SGCD: variants seen among roughly 807,000 people sequenced by gnomAD.
SGCD encodes the protein sarcoglycan delta.
SGCD carries 18 observed loss-of-function variants against 36.6 expected under a neutral mutation model. That is an observed-to-expected ratio of 0.49 (90% CI 0.34 to 0.73). The LOEUF (loss-of-function observed/expected upper bound fraction) is 0.73. SGCD is among the 30% of genes least tolerant of loss of function. The pLI is 0.01. For missense variants in SGCD, 387 were observed against 346.7 expected (o/e 1.12, Z -0.92); for synonymous variants, 133 against 130.6 (o/e 1.02, Z -0.12).
At chr5:155,782,030 T>TTG in the SGCD span, among the ~76,000 whole-genome samples, 1 of 149,706 alleles carries the variant, frequency 6.7e-6, no homozygotes, top group African/African-American at 2.4e-5. Flanking sequence ...TCTTTTCTTT[T>TTG]TTTTTTTTTT....
intron 1 of SGCD, among the ~76,000 whole-genome samples, chr5:155,969,433 T>TA (rs1040607826): frequency 1.3e-5 from 2 of 151,984 alleles, no homozygotes; most frequent in Non-Finnish European, 2.9e-5. Flanking sequence ...CTGCACACAT[T>TA]AAAAAATAAA....
Position 155,942,942 on chromosome 5 carries a change from T to C in SGCD, c.-282+72518T>C, listed in dbSNP as rs146765526. 3.7e-3 allele frequency among the ~76,000 whole-genome samples: 570 copies of C among 152,358 alleles called. 4 individuals carry two copies. Among genetic ancestry groups the C allele is most frequent in the African/African-American group, 0.013 (551 of 41,594 alleles). On this transcript the variant is annotated intron_variant, in intron 1 of 9. Coordinates refer to the SGCD transcript ENST00000517913. The stretch of plus-strand genomic sequence containing the variant: ...GAGTCATCATAGTCTATGTTCTTCA[T>C]GAACATTCCATAATGCCTCCTAGAC...
At chr5:156,430,040 CTT>C (rs550571320) in intron 3 of SGCD, among the ~76,000 whole-genome samples, 85 of 152,160 alleles carry the variant, frequency 5.6e-4, no homozygotes, top group Non-Finnish European at 1.1e-3. Context: ...TCCCAAGAGT[CTT>C]TGAGCTTTTT....
At chr5:156,742,163 A>C (rs1473591631) in intron 7 of SGCD, among the ~76,000 whole-genome samples, 1 of 152,154 alleles carries the variant, frequency 6.6e-6, no homozygotes, top group African/African-American at 2.4e-5. Context: ...GGCGTGAGCC[A>C]CCGTGCCCGG....
intron 1 of SGCD, among the ~76,000 whole-genome samples, chr5:155,918,572 A>G (rs1226591529): frequency 6.6e-6 from 1 of 152,242 alleles, no homozygotes; most frequent in East Asian, 1.9e-4. Flanking sequence ...CAAAAGACAT[A>G]AAAATAAATA....
At chr5:156,356,677 C>T (rs1305065346) in intron 3 of SGCD, among the ~76,000 whole-genome samples, 3 of 152,140 alleles carry the variant, frequency 2.0e-5, no homozygotes, top group East Asian at 1.9e-4. Flanking sequence ...TAGTGCCCCC[C>T]TACATTATAT....
At chr5:156,512,943 C>A (rs1757007863) in intron 4 of SGCD, among the ~76,000 whole-genome samples, 1 of 150,880 alleles carries the variant, frequency 6.6e-6, no homozygotes, top group African/African-American at 2.4e-5. Flanking sequence ...TTTTTTCCTG[C>A]AATGGGGCTA....
At chr5:156,602,670 A>G (rs1191138319) in intron 6 of SGCD, among the ~76,000 whole-genome samples, 3 of 152,132 alleles carry the variant, frequency 2.0e-5, no homozygotes, top group Non-Finnish European at 4.4e-5. Flanking sequence ...AGTTCTGTCA[A>G]ATGCTTCTTC....
chr5:156,141,866 C>T (rs80100692), intron 3 of SGCD, among the ~76,000 whole-genome samples: 3,911 of 152,230 alleles, frequency 0.026, 164 homozygotes, highest in African/African-American at 0.09. Flanking sequence ...AATCTTCAAA[C>T]TAGTATCAAA....
At chr5:156,549,096 A>C (rs992547116) in intron 4 of SGCD, among the ~76,000 whole-genome samples, 3 of 148,012 alleles carry the variant, frequency 2.0e-5, no homozygotes, top group Non-Finnish European at 4.4e-5. Context: ...CAGTCTAAAA[A>C]TGAAAAAAAA....
At chr5:155,934,328 A>G (rs1757155478) in intron 1 of SGCD, among the ~76,000 whole-genome samples, 1 of 152,236 alleles carries the variant, frequency 6.6e-6, no homozygotes, top group Admixed American at 6.5e-5. Context: ...CTTAGTTGGC[A>G]TCTTGCTCAC....
At chr5:156,716,081 A>C (rs561917465) in intron 7 of SGCD, among the ~76,000 whole-genome samples, 1 of 152,190 alleles carries the variant, frequency 6.6e-6, no homozygotes, top group African/African-American at 2.4e-5. Context: ...AAAAATTTGC[A>C]AGACAGCCTT....
At chr5:155,854,874 A>G in the SGCD span, among the ~76,000 whole-genome samples, 6 of 152,192 alleles carry the variant, frequency 3.9e-5, no homozygotes, top group Non-Finnish European at 8.8e-5. Context: ...TAGTGCTTAC[A>G]AGGGCCTCAA....
chr5:156,313,426 T>C (rs774941260), intron 3 of SGCD, among the ~76,000 whole-genome samples: 13 of 152,100 alleles, frequency 8.5e-5, no homozygotes, highest in Non-Finnish European at 1.3e-4. Context: ...TGATTTTGTG[T>C]GTGTGAGGTA....
upstream of SGCD, among the ~76,000 whole-genome samples, chr5:156,325,604 T>C (rs1316415485): frequency 6.6e-6 from 1 of 152,124 alleles, no homozygotes; most frequent in African/African-American, 2.4e-5. Context: ...CTTCCCAAAT[T>C]ATGCTGCAGT....
chr5:156,097,023 G>A (rs1404122859), intron 1 of SGCD, among the ~76,000 whole-genome samples: 4 of 151,490 alleles, frequency 2.6e-5, no homozygotes, highest in Admixed American at 2.0e-4. Context: ...TGAAAAATGT[G>A]CTACTTTCTT....
chr5:156,515,566 GC>G (rs921553062), intron 4 of SGCD, among the ~76,000 whole-genome samples: 17 of 152,134 alleles, frequency 1.1e-4, no homozygotes, highest in Non-Finnish European at 2.9e-5. Context: ...GGGAGTTCCC[GC>G]CCCCAGCCAA....
At chr5:156,746,956 TGAAATA>T (rs1756963188) in intron 7 of SGCD, among the ~76,000 whole-genome samples, 1 of 152,074 alleles carries the variant, frequency 6.6e-6, no homozygotes, top group African/African-American at 2.4e-5. Context: ...AGAAAATACT[TGAAATA>T]TATATGAAAA....
intron 1 of SGCD, among the ~76,000 whole-genome samples, chr5:156,061,922 T>A (rs1460566593): frequency 9.4e-6 from 1 of 105,902 alleles, no homozygotes; most frequent in African/African-American, 5.0e-5. Context: ...GTTTTCACTT[T>A]TTTTTTTTTT....
Sources: allele counts gnomAD v4.1 joint callset (sites outside exome capture counted in the v4.1 genomes callset), GRCh38; gene constraint gnomAD v4.1.1; transcripts MANE v1.5; gene names NCBI Gene and HGNC (gene_info 2026-07-23, HGNC 2026-07-21).